Variants in ZNF827 observed in about 807,000 individuals in gnomAD.
The protein encoded by ZNF827 is zinc finger protein 827.
A neutral mutation model predicts 102.4 loss-of-function variants in ZNF827; 13 were observed. The observed-to-expected ratio is 0.13, with a 90% CI of 0.08 to 0.20. ZNF827 has a LOEUF of 0.20. ZNF827 is among the 10% of genes least tolerant of loss of function. The pLI, the probability that ZNF827 is intolerant of heterozygous loss-of-function variation, is 1.00. For synonymous variants in ZNF827, 523 were observed against 536.2 expected (o/e 0.98, Z 0.34); for missense variants, 1,103 against 1,344.4 (o/e 0.82, Z 2.81).
intron 4 of ZNF827, among the ~76,000 whole-genome samples, chr4:145,884,317 T>C (rs1159267319): frequency 6.6e-6 from 1 of 152,200 alleles, no homozygotes; most frequent in Non-Finnish European, 1.5e-5. Flanking sequence ...AAGACCCGAC[T>C]GAAGTGTCCC....
intron 4 of ZNF827, among the ~76,000 whole-genome samples, chr4:145,878,559 A>AGACAGGACAGGACAG (rs1215402706): frequency 5.7e-5 from 7 of 123,740 alleles, no homozygotes; most frequent in South Asian, 2.9e-4. Flanking sequence ...AAAAAAGACA[A>AGACAGGACAGGACAG]GACAGGACAG....
At position 145,902,040 on chromosome 4, in the gene ZNF827, GT is replaced by G. The variant is rs2126885389; in HGVS notation, c.1093+125del. On this transcript the variant is annotated intron_variant, in intron 2 of 14. Coordinates refer to ENST00000508784, the MANE Select transcript of ZNF827 (RefSeq NM_001306215.2). This position sits in a 1 kb window ranked among gnomAD's most constrained non-coding sequence, Gnocchi z 4.3. ...GCTGCTTACTTAAAGTATTTTTGTT[GT>G]GCTCTTGCTTTTTTATTCCTGCCTC... The G allele has an allele frequency of 1.6e-6, 2 of 1,230,918 alleles. No individual in the cohort carries two copies. The highest frequency in any genetic ancestry group is 3.4e-5 in the South Asian group (2 of 59,270). The allele number at this position is 1,230,918 out of a possible 1,614,324, so 76.2% of individuals were successfully genotyped here.
intron 2 of ZNF827, among the ~76,000 whole-genome samples, chr4:145,897,198 AAAC>A (rs375785908): frequency 8.5e-4 from 129 of 152,324 alleles, no homozygotes; most frequent in Middle Eastern, 3.4e-3. Flanking sequence ...TAAATCCACA[AAAC>A]AACAACAACA....
chr4:145,790,449 T>C (rs1190996340), intron 8 of ZNF827, among the ~76,000 whole-genome samples: 1 of 152,224 alleles, frequency 6.6e-6, no homozygotes, highest in African/African-American at 2.4e-5. Flanking sequence ...CTTTCTAAAA[T>C]ACTAAAATTT....
intron 1 of ZNF827, among the ~76,000 whole-genome samples, chr4:145,931,804 C>T (rs1402621396): frequency 6.6e-6 from 1 of 152,212 alleles, no homozygotes; most frequent in Admixed American, 6.5e-5. Context: ...CTGCCTTCAG[C>T]TTTCACAGAT....
chr4:145,760,503 G>T lies in ZNF827; in HGVS notation c.*1113C>A. 6.4e-6 allele frequency: 1 copy of T among 155,862 alleles called. No homozygotes were observed. Among genetic ancestry groups the T allele is most frequent in the Non-Finnish European group, 1.4e-5 (1 of 70,476 alleles). 9.7% of individuals were successfully genotyped at this position (155,862 alleles called of 1,614,324 possible). ...CGGAGAAGGGCTGAGAGTGGGAGTG[G>T]GTGGCTGGGGAGGCATGCCTCTGAA... On this transcript the variant is annotated 3_prime_UTR_variant, in exon 15 of 15. Transcript: ENST00000508784.
chr4:145,920,904 G>GC (rs1418275837), intron 1 of ZNF827, among the ~76,000 whole-genome samples: 1 of 152,164 alleles, frequency 6.6e-6, no homozygotes, highest in Non-Finnish European at 1.5e-5. Flanking sequence ...ACTGTTATGT[G>GC]CAAGAATGTA....
intron 11 of ZNF827, among the ~76,000 whole-genome samples, chr4:145,770,694 A>G (rs1279759263): frequency 6.6e-6 from 1 of 152,140 alleles, no homozygotes; most frequent in Non-Finnish European, 1.5e-5. Flanking sequence ...AAATATTTGC[A>G]TTGTTTTAAA....
At chr4:145,904,492 G>A (rs1380412377) in intron 1 of ZNF827, among the ~76,000 whole-genome samples, 6 of 152,230 alleles carry the variant, frequency 3.9e-5, no homozygotes, top group Non-Finnish European at 2.9e-5. Context: ...CTTCACAGAA[G>A]TGGTGGCATT....
At chr4:145,874,628 T>C (rs568825128) in intron 4 of ZNF827, among the ~76,000 whole-genome samples, 30 of 152,300 alleles carry the variant, frequency 2.0e-4, no homozygotes, top group Middle Eastern at 3.4e-3. Flanking sequence ...TTTGGGGAAA[T>C]TGCTAAGAGA....
intron 8 of ZNF827, among the ~76,000 whole-genome samples, chr4:145,787,378 G>A (rs1221569408): frequency 6.6e-6 from 1 of 150,404 alleles, no homozygotes; most frequent in Non-Finnish European, 1.5e-5. Flanking sequence ...CAGGAGAATC[G>A]CTTGAACCCG....
chr4:145,769,617 C>T (rs992638839), intron 11 of ZNF827, among the ~76,000 whole-genome samples: 5 of 152,154 alleles, frequency 3.3e-5, no homozygotes, highest in African/African-American at 1.2e-4. Flanking sequence ...TCCAAACAGC[C>T]TCTCCTGTTT....
At chr4:145,879,286 G>A (rs186642723) in intron 4 of ZNF827, among the ~76,000 whole-genome samples, 6 of 152,298 alleles carry the variant, frequency 3.9e-5, no homozygotes, top group African/African-American at 1.4e-4. Flanking sequence ...CTGTGGTGAA[G>A]GTTAAATGAG....
chr4:145,881,688 G>A (rs1201397276), intron 4 of ZNF827, among the ~76,000 whole-genome samples: 1 of 152,102 alleles, frequency 6.6e-6, no homozygotes, highest in African/African-American at 2.4e-5. Context: ...CCTGTCAGGA[G>A]GCCCCACAAG....
intron 4 of ZNF827, among the ~76,000 whole-genome samples, chr4:145,870,998 C>T (rs935831370): frequency 2.0e-5 from 3 of 152,104 alleles, no homozygotes; most frequent in Non-Finnish European, 2.9e-5. Flanking sequence ...CATTATAAGA[C>T]GACACTACTG....
intron 8 of ZNF827, among the ~76,000 whole-genome samples, chr4:145,785,480 A>AT (rs1738717120): frequency 6.6e-6 from 1 of 152,038 alleles, no homozygotes; most frequent in African/African-American, 2.4e-5. Flanking sequence ...CAATTTGTTC[A>AT]TTTTCAGGAG....
chr4:145,846,492 A>C (rs976156822), intron 6 of ZNF827, among the ~76,000 whole-genome samples: 4 of 143,014 alleles, frequency 2.8e-5, no homozygotes, highest in Non-Finnish European at 6.0e-5. Flanking sequence ...AAACAAACAA[A>C]CAAAAAAACA....
intron 2 of ZNF827, among the ~76,000 whole-genome samples, chr4:145,898,668 A>T (rs1212017096): frequency 6.6e-6 from 1 of 151,756 alleles, no homozygotes; most frequent in Non-Finnish European, 1.5e-5. Flanking sequence ...CATGAAAGAA[A>T]CCTCCCCCTC....
intron 4 of ZNF827, among the ~76,000 whole-genome samples, chr4:145,881,495 C>T (rs1166727216): frequency 1.3e-5 from 2 of 152,144 alleles, no homozygotes. Context: ...CTGTCAACTG[C>T]TTGGTTATAA....
Sources: allele counts gnomAD v4.1 joint callset (sites outside exome capture counted in the v4.1 genomes callset), GRCh38; gene constraint gnomAD v4.1.1; non-coding constraint Gnocchi (gnomAD v3.1); transcripts MANE v1.5; gene names NCBI Gene and HGNC (gene_info 2026-07-23, HGNC 2026-07-21).